Variants in CTNNA2 observed in about 807,000 individuals in gnomAD.
CTNNA2 encodes the protein catenin alpha-2.
In CTNNA2, 42 loss-of-function variants were observed where a neutral mutation model predicts 101.0. That is an observed-to-expected ratio of 0.42 (90% CI 0.32 to 0.54). The LOEUF (loss-of-function observed/expected upper bound fraction) is 0.54, where lower values mean the gene tolerates loss of function less well. CTNNA2 is among the 20% of genes least tolerant of loss of function. The pLI is 0.14. For missense variants in CTNNA2, 871 were observed against 1,223.1 expected, an observed-to-expected ratio of 0.71 and a Z score of 4.29; for synonymous variants, 450 against 456.4, an observed-to-expected ratio of 0.99 and a Z score of 0.18.
At chr2:79,653,600 A>C (rs1303264297) in intron 2 of CTNNA2, among the ~76,000 whole-genome samples, 1 of 152,194 alleles carries the variant, frequency 6.6e-6, no homozygotes, top group Non-Finnish European at 1.5e-5. Context: ...AATGTTATCC[A>C]GACATAAAAT....
At chr2:80,287,731 T>C (rs1674897003) in intron 7 of CTNNA2, among the ~76,000 whole-genome samples, 1 of 152,186 alleles carries the variant, frequency 6.6e-6, no homozygotes, top group African/African-American at 2.4e-5. Context: ...GGGGCTCATA[T>C]TGAAGTCTAT....
chr2:79,580,742 T>G (rs1573395782), intron 1 of CTNNA2, among the ~76,000 whole-genome samples: 1 of 152,178 alleles, frequency 6.6e-6, no homozygotes, highest in African/African-American at 2.4e-5. Context: ...AACTTTTTCT[T>G]ATGTGAAGAA....
intron 7 of CTNNA2, chr2:80,298,675 C>T (rs1407171946): frequency 6.6e-6 from 1 of 152,216 alleles, no homozygotes; most frequent in Non-Finnish European, 1.5e-5. Context: ...AAATGTCTGC[C>T]TTCTTGAAGG....
At chr2:80,563,803 C>A (rs923805308) in intron 12 of CTNNA2, among the ~76,000 whole-genome samples, 1 of 152,170 alleles carries the variant, frequency 6.6e-6, no homozygotes, top group Non-Finnish European at 1.5e-5. Flanking sequence ...CTCTTATTAT[C>A]TGTGTTACTC....
At chr2:80,591,868 T>TA (rs1696543495) in intron 15 of CTNNA2, among the ~76,000 whole-genome samples, 1 of 152,180 alleles carries the variant, frequency 6.6e-6, no homozygotes, top group Non-Finnish European at 1.5e-5. Context: ...TAATAACTTC[T>TA]TCATGGAAGA....
At chr2:80,256,002 T>TG (rs1672111064) in intron 7 of CTNNA2, among the ~76,000 whole-genome samples, 2 of 152,178 alleles carry the variant, frequency 1.3e-5, no homozygotes, top group Admixed American at 1.3e-4. Flanking sequence ...GCAGTAATAC[T>TG]GCTTTATTAA....
intron 4 of CTNNA2, among the ~76,000 whole-genome samples, chr2:79,421,167 T>C (rs921110733): frequency 6.6e-6 from 1 of 152,186 alleles, no homozygotes; most frequent in Non-Finnish European, 1.5e-5. Flanking sequence ...TGAGCCACAC[T>C]AATTTATTAA....
chr2:80,635,325 T>A (rs1338227599), intron 18 of CTNNA2, among the ~76,000 whole-genome samples: 3 of 152,116 alleles, frequency 2.0e-5, no homozygotes, highest in Admixed American at 2.0e-4. Flanking sequence ...AAAGTTCAAT[T>A]ATTAAAAACC....
At chr2:80,353,345 G>C (rs1423623528) in intron 7 of CTNNA2, among the ~76,000 whole-genome samples, 1 of 152,060 alleles carries the variant, frequency 6.6e-6, no homozygotes, top group Non-Finnish European at 1.5e-5. Context: ...CTGACTTAAA[G>C]GAGTTATGTG....
At chr2:79,475,069 T>G (rs1353907292) in intron 4 of CTNNA2, among the ~76,000 whole-genome samples, 1 of 151,102 alleles carries the variant, frequency 6.6e-6, no homozygotes, top group Non-Finnish European at 1.5e-5. Flanking sequence ...AAAAGTTATC[T>G]CTAAATGTAA....
chr2:79,402,896 G>T (rs987443554), intron 4 of CTNNA2, among the ~76,000 whole-genome samples: 6 of 151,788 alleles, frequency 4.0e-5, no homozygotes, highest in African/African-American at 1.4e-4. Flanking sequence ...TTGCTTAAAT[G>T]ATTAAATACT....
intron 3 of CTNNA2, among the ~76,000 whole-genome samples, chr2:79,750,013 A>G (rs1671908687): frequency 6.6e-6 from 1 of 152,218 alleles, no homozygotes; most frequent in South Asian, 2.1e-4. Flanking sequence ...GTAGCTCGGT[A>G]TGGCTTACAG....
At chr2:80,095,920 A>G (rs532861636) in intron 7 of CTNNA2, among the ~76,000 whole-genome samples, 3 of 151,742 alleles carry the variant, frequency 2.0e-5, no homozygotes, top group African/African-American at 7.3e-5. Context: ...CTTGCTAGCG[A>G]TCTATTAATT....
At chr2:80,420,732 C>G (rs1358458638) in intron 9 of CTNNA2, among the ~76,000 whole-genome samples, 1 of 152,064 alleles carries the variant, frequency 6.6e-6, no homozygotes, top group African/African-American at 2.4e-5. Flanking sequence ...GCAGGTGCCT[C>G]GGGCTGAAGT....
rs1199196746 is a variant in CTNNA2, at chr2:79,982,303, TAA to T, written c.1056+72509_1056+72510del. On this transcript the variant is annotated intron_variant, in intron 7 of 18. Coordinates refer to ENST00000402739, the MANE Select transcript of CTNNA2 (RefSeq NM_001282597.3). ...ATATATATAACATATATAACATATA[TAA>T]AACATATATAACATATATAACACAC... Among the ~76,000 whole-genome samples the T allele has an allele frequency of 5.1e-3, 680 of 134,346 alleles. 12 individuals carry two copies. The highest frequency in any genetic ancestry group is 0.019 in the African/African-American group (605 of 31,662). The allele number at this position is 134,346 out of a possible 152,430, so 88.1% of individuals were successfully genotyped here. A position where few individuals can be genotyped will look rare whatever the true frequency, so the allele number is the denominator to read the frequency against.
intron 4 of CTNNA2, among the ~76,000 whole-genome samples, chr2:79,385,982 C>A (rs766845278): frequency 2.7e-5 from 4 of 150,872 alleles, no homozygotes; most frequent in Non-Finnish European, 5.9e-5. Context: ...AAGAGTGCTG[C>A]AATAAACATA....
intron 7 of CTNNA2, among the ~76,000 whole-genome samples, chr2:79,939,836 T>C (rs1365369515): frequency 6.6e-6 from 1 of 152,100 alleles, no homozygotes; most frequent in African/African-American, 2.4e-5. Context: ...CTCATGCCTG[T>C]AATCCCAGCA....
At chr2:79,827,160 TC>T (rs1311736262) in intron 3 of CTNNA2, among the ~76,000 whole-genome samples, 1 of 151,992 alleles carries the variant, frequency 6.6e-6, no homozygotes, top group African/African-American at 2.4e-5. Context: ...TGCCGCAGCC[TC>T]CCGAGTAGCT....
chr2:79,435,214 C>A (rs577922485), intron 4 of CTNNA2, among the ~76,000 whole-genome samples: 56 of 152,240 alleles, frequency 3.7e-4, no homozygotes, highest in African/African-American at 1.3e-3. Flanking sequence ...GGTTAAAATA[C>A]CTGCATTAAG....
Sources: allele counts gnomAD v4.1 joint callset (sites outside exome capture counted in the v4.1 genomes callset), GRCh38; gene constraint gnomAD v4.1.1; transcripts MANE v1.5; gene names NCBI Gene and HGNC (gene_info 2026-07-23, HGNC 2026-07-21).